The following BCL7C variants were observed in gnomAD, a reference collection of about 807,000 sequenced individuals.
BCL7C encodes the protein B-cell CLL/lymphoma 7 protein family member C.
Under a neutral mutation model 26.2 loss-of-function variants are expected in BCL7C, and 8 were observed. The observed-to-expected ratio is 0.30, with a 90% CI of 0.18 to 0.55. The LOEUF (loss-of-function observed/expected upper bound fraction) is 0.55. BCL7C is among the 20% of genes least tolerant of loss of function. The pLI is 0.93. For synonymous variants in BCL7C, 90 were observed against 116.5 expected (o/e 0.77, Z 1.47); for missense variants, 262 against 298.5 (o/e 0.88, Z 0.90).
chr16:30,887,146 TAAAAA>T, downstream of BCL7C, among the ~76,000 whole-genome samples: 1 of 152,008 alleles, frequency 6.6e-6, no homozygotes, highest in South Asian at 2.1e-4. Context: ...CAGTCTCTAC[TAAAAA>T]TACAAAAATT....
intron 5 of BCL7C, among the ~76,000 whole-genome samples, chr16:30,864,257 C>T (rs191808075): frequency 1.3e-5 from 2 of 152,260 alleles, no homozygotes; most frequent in Admixed American, 6.5e-5. Flanking sequence ...CCCAAAAACT[C>T]GCCAACCAAG....
intron 5 of BCL7C, among the ~76,000 whole-genome samples, chr16:30,864,182 G>C (rs989511662): frequency 6.6e-6 from 1 of 152,148 alleles, no homozygotes; most frequent in Non-Finnish European, 1.5e-5. Context: ...TAAATGAAGA[G>C]TGTTGTTTTT....
At position 30,834,082 on chromosome 16, in the gene BCL7C, C is replaced by G. The variant is rs1249053959; in HGVS notation, c.*866G>C. The G allele has an allele frequency of 6.6e-6, 1 of 152,226 alleles. No individual in the cohort carries two copies. Among genetic ancestry groups the G allele is most frequent in the Non-Finnish European group, 1.5e-5 (1 of 68,044 alleles). The allele number at this position is 152,226 out of a possible 1,614,324, so 9.4% of individuals were successfully genotyped here. ...GATAAATGGGAGGCGTTATTATTTC[C>G]TAGTACAACAGACCCAACGGTGAAG... On this transcript the variant is annotated 3_prime_UTR_variant, in exon 6 of 6. Coordinates refer to the BCL7C transcript ENST00000380317. This position sits in a 1 kb window ranked among gnomAD's most constrained non-coding sequence, Gnocchi z 4.3.
chr16:30,856,776 G>A (rs1596590908), intron 5 of BCL7C, among the ~76,000 whole-genome samples: 5 of 152,166 alleles, frequency 3.3e-5, no homozygotes, highest in Admixed American at 3.3e-4. Flanking sequence ...GCTGCCGGCC[G>A]GCACAGAGCC....
intron 5 of BCL7C, 54 bp from the exon 6 acceptor site, chr16:30,888,044 T>C: frequency 6.5e-7 from 1 of 1,545,838 alleles, no homozygotes; most frequent in Non-Finnish European, 8.7e-7. Context: ...GCGTCCAGCC[T>C]CTGAGCCTCT....
At chr16:30,854,613 G>A (rs1270601637) in intron 5 of BCL7C, among the ~76,000 whole-genome samples, 1 of 151,942 alleles carries the variant, frequency 6.6e-6, no homozygotes, top group Non-Finnish European at 1.5e-5. Flanking sequence ...ATTTTCTCTG[G>A]CAAATAATTT....
intron 5 of BCL7C, among the ~76,000 whole-genome samples, chr16:30,861,371 A>C (rs2054770670): frequency 6.6e-6 from 1 of 152,058 alleles, no homozygotes; most frequent in South Asian, 2.1e-4. Context: ...AGAACTTCCA[A>C]ACGCCTGAAC....
intron 5 of BCL7C, among the ~76,000 whole-genome samples, chr16:30,869,629 C>T (rs112745168): frequency 0.015 from 2,266 of 151,912 alleles, 76 homozygotes; most frequent in African/African-American, 0.05. Context: ...CTCCTGCCTT[C>T]GCCTGCAGTG....
At chr16:30,865,561 G>A (rs2054818061) in intron 5 of BCL7C, among the ~76,000 whole-genome samples, 1 of 151,992 alleles carries the variant, frequency 6.6e-6, no homozygotes, top group Admixed American at 6.6e-5. Context: ...CCAGGTGACA[G>A]AATGAGATCT....
chr16:30,889,065 A>C, intron 4 of BCL7C, 120 bp from the exon 5 acceptor site: 1 of 952,754 alleles, frequency 1.0e-6, no homozygotes, highest in East Asian at 2.5e-5. Context: ...ATGGGAGCAG[A>C]GAGGAGAGAG....
At chr16:30,888,281 AT>A (rs1229634573) in intron 5 of BCL7C, among the ~76,000 whole-genome samples, 2 of 152,176 alleles carry the variant, frequency 1.3e-5, no homozygotes, top group African/African-American at 4.8e-5. Context: ...ACAGTTAGAT[AT>A]TTTTTGATAT....
chr16:30,878,286 T>G (rs2054984401), intron 5 of BCL7C, among the ~76,000 whole-genome samples: 1 of 151,852 alleles, frequency 6.6e-6, no homozygotes. Context: ...ATCCCAGCAC[T>G]TTGGGAGGCC....
chr16:30,840,737 A>G (rs2054596695), intron 5 of BCL7C: 1 of 152,218 alleles, frequency 6.6e-6, no homozygotes, highest in South Asian at 2.1e-4. Context: ...ACTTACAGTC[A>G]TGGCGGAAGG....
At chr16:30,887,681 C>T (rs1203474876), downstream of BCL7C, 2 of 1,011,108 alleles carry the variant, frequency 2.0e-6, no homozygotes, top group Admixed American at 3.0e-5. Flanking sequence ...TGTGGTGTCA[C>T]TACAGGAAGG....
At position 30,892,577 on chromosome 16, in the gene BCL7C, T is replaced by G; in HGVS notation, c.442+9A>C. ...GAGGAGAGAGCTCCTGGGAGGTACC[T>G]GGTCCTACCTCTCTCTTGGCCCAGC... On this transcript the variant is annotated intron_variant, in intron 4 of 5. Transcript: ENST00000215115. 1 of 1,542,628 alleles carries G rather than the reference T, an allele frequency of 6.5e-7. No individual in the cohort carries two copies. Among genetic ancestry groups the G allele is most frequent in the South Asian group, 1.3e-5 (1 of 78,124 alleles).
At position 30,888,525 on chromosome 16, in the gene BCL7C, C is replaced by T. The variant is rs569307082; in HGVS notation, c.528+335G>A. Among the ~76,000 whole-genome samples the T allele has an allele frequency of 4.0e-5, 6 of 151,544 alleles. No individual in the cohort carries two copies. The East Asian group carries it at 5.9e-4, about 15-fold the overall frequency. On this transcript the variant is annotated intron_variant, in intron 5 of 5. Transcript: ENST00000215115. ...CTAATTTTTGTATTTTTAGTAGAGA[C>T]GGGGTTTCACCGTGTTAGCCAGGAT...
chr16:30,860,124 T>C (rs1389184357), intron 5 of BCL7C, among the ~76,000 whole-genome samples: 1 of 152,122 alleles, frequency 6.6e-6, no homozygotes, highest in Non-Finnish European at 1.5e-5. Flanking sequence ...CAGGTCTTTT[T>C]CCTCTCTAGT....
chr16:30,850,195 G>A (rs1423180372), intron 5 of BCL7C, among the ~76,000 whole-genome samples: 1 of 134,950 alleles, frequency 7.4e-6, no homozygotes, highest in African/African-American at 3.0e-5. Flanking sequence ...GGGTGACTGA[G>A]CGAGACTCCA....
intron 5 of BCL7C, among the ~76,000 whole-genome samples, chr16:30,872,965 T>G (rs2054894213): frequency 1.3e-5 from 2 of 152,336 alleles, no homozygotes; most frequent in South Asian, 4.1e-4. Flanking sequence ...ATCCAGTGTT[T>G]GCCAAACTTC....
Sources: allele counts gnomAD v4.1 joint callset (sites outside exome capture counted in the v4.1 genomes callset), GRCh38; gene constraint gnomAD v4.1.1; non-coding constraint Gnocchi (gnomAD v3.1); transcripts MANE v1.5; gene names NCBI Gene and HGNC (gene_info 2026-07-23, HGNC 2026-07-21).